The following TTN variants were observed in gnomAD, a reference collection of about 807,000 sequenced individuals.
The protein encoded by TTN is connectin.
In TTN, 1,525 loss-of-function variants were observed where a neutral mutation model predicts 3,223.0. That is an observed-to-expected ratio of 0.47 (90% confidence interval 0.45 to 0.49). The LOEUF (loss-of-function observed/expected upper bound fraction) is 0.49, where lower values mean the gene tolerates loss of function less well. Among genes scored for constraint, TTN ranks in the 20% least tolerant of loss-of-function variants. The probability of loss-of-function intolerance (pLI) is 0.00; values close to 1 mark genes in which losing one functional copy is unlikely to be tolerated. For missense variants in TTN, 40,786 were observed against 43,424.0 expected (o/e 0.94, Z 5.40); for synonymous variants, 14,094 against 15,161.0 (o/e 0.93, Z 5.17).
Position 178,735,754 on chromosome 2 carries a change from G to A in TTN, c.14692C>T (p.Gln4898Ter). Residue 4898 changes from glutamine (Q) to a stop codon, truncating the protein, a stop_gained, in exon 50 of 363, where the codon CAG becomes TAG. Coordinates refer to ENST00000589042, the MANE Select transcript of TTN (RefSeq NM_001267550.2). LOFTEE classifies it high-confidence loss of function. ...TGGACCTTCTTATTGATAGCGGACTGCACAGGCTCTAATTCTTTAATGAAA... is the reference window on the plus strand; with the variant it reads ...TGGACCTTCTTATTGATAGCGGACTACACAGGCTCTAATTCTTTAATGAAA... Reference protein sequence around the residue: ...PHFIKELEPVQSAINKKVHLE... With the variant: ...PHFIKELEPV 1 of 1,613,742 alleles carries A rather than the reference G, an allele frequency of 6.2e-7. No individual in the cohort carries two copies. Among genetic ancestry groups the A allele is most frequent in the Non-Finnish European group, 8.5e-7 (1 of 1,179,794 alleles).
rs1578118075 is a variant in TTN, at chr2:178,728,251, C to T, written c.19573G>A (p.Ala6525Thr). 1 of 1,613,244 alleles carries T rather than the reference C, an allele frequency of 6.2e-7. No homozygotes were observed. The highest frequency in any genetic ancestry group is 2.2e-5 in the East Asian group (1 of 44,812). The change falls in exon 67 of 363, where the codon GCA (alanine) becomes ACA (threonine). Residue 6525 changes from alanine (A) to threonine (T), a missense_variant. Coordinates refer to ENST00000589042, the MANE Select transcript of TTN (RefSeq NM_001267550.2). ...FKDGKEISTS[A>T]KYRLVCHERS... is the part of the protein sequence containing the mutation. The stretch of plus-strand genomic sequence containing the variant: ...TCATGGCACACAAGTCTGTATTTTG[C>T]ACTTGTAGATATTTCTTTTCCATCC...
Position 178,587,501 on chromosome 2 carries a change from A to C in TTN, c.63793+15T>G. The C allele has an allele frequency of 6.2e-7, 1 of 1,605,490 alleles. No homozygotes were observed. Among genetic ancestry groups the C allele is most frequent in the African/African-American group, 1.3e-5 (1 of 74,488 alleles). On this transcript the variant is annotated intron_variant, in intron 306 of 362. Coordinates refer to ENST00000589042, the MANE Select transcript of TTN (RefSeq NM_001267550.2). Reference sequence around the variant, plus strand: ...CATTTTTGAAGTGGGAGGGAGAAGCATTTTAGTAACCCACCTAATACTCTG... The same window carrying C: ...CATTTTTGAAGTGGGAGGGAGAAGCCTTTTAGTAACCCACCTAATACTCTG...
Position 178,741,225 on chromosome 2 carries a change from C to T in TTN, c.12008G>A (p.Arg4003Lys). ...SGTFIVNDPQREDSGLYICKA... is the reference protein window; with the variant it reads ...SGTFIVNDPQKEDSGLYICKA... ...ACAGATATAGAGGCCACTGTCTTCCCTCTGAGGGTCATTGACAATGAAAGT... is the reference window on the plus strand; with the variant it reads ...ACAGATATAGAGGCCACTGTCTTCCTTCTGAGGGTCATTGACAATGAAAGT... The change falls in exon 48 of 363, where the codon AGG (arginine) becomes AAG (lysine). Residue 4003 changes from arginine to lysine, a missense_variant. By Grantham distance (26) the Arg-to-Lys change is conservative. Coordinates refer to ENST00000589042, the MANE Select transcript of TTN (RefSeq NM_001267550.2). 1 of 1,613,508 alleles carries T rather than the reference C, an allele frequency of 6.2e-7. No homozygotes were observed. Among genetic ancestry groups the T allele is most frequent in the Non-Finnish European group, 8.5e-7 (1 of 1,179,812 alleles).
In TTN at chr2:178,717,926, T is replaced by A. The variant is rs1483532288; in HGVS notation, c.25063+17A>T. 6.2e-7 allele frequency: 1 copy of A among 1,606,608 alleles called. No individual in the cohort carries two copies. Among genetic ancestry groups the A allele is most frequent in the East Asian group, 2.2e-5 (1 of 44,760 alleles). Reference sequence around the variant, plus strand: ...AATGAATCTGTTCACACACACTAGGTTAAACAACACCATCACCTTTGATAA... The same window carrying A: ...AATGAATCTGTTCACACACACTAGGATAAACAACACCATCACCTTTGATAA... On this transcript the variant is annotated intron_variant, in intron 86 of 362. Transcript: ENST00000589042.
At chr2:178,793,351 G>A (rs1053529643) in intron 9 of TTN, 53 bp downstream of exon 9, 1 of 1,603,982 alleles carries the variant, frequency 6.2e-7, no homozygotes, top group Middle Eastern at 1.7e-4. Flanking sequence ...GTGATTATCT[G>A]TGTTGACCCC....
At chr2:178,617,270 A>G in intron 254 of TTN, 36 bp from the exon 255 acceptor site, 1 of 1,541,264 alleles carries the variant, frequency 6.5e-7, no homozygotes, top group Non-Finnish European at 8.7e-7. Flanking sequence ...AAAAACACAT[A>G]CAGTTATGTC....
Position 178,695,952 on chromosome 2 carries a change from C to T in TTN, c.31120G>A (p.Glu10374Lys), listed in dbSNP as rs760492093. Residue 10374 changes from glutamate (E) to lysine (K), a missense_variant, in exon 114 of 363, where the codon GAA (glutamate) becomes AAA (lysine). Transcript: ENST00000589042. ...FEEGQEYYER[E>K]EGYDEGEEEW... The stretch of plus-strand genomic sequence containing the variant: ...TCCTCCCCTTCGTCATAGCCTTCTT[C>T]CCTTTCATAGTATTCTTGCCCTTCT... The T allele has an allele frequency of 3.9e-6, 6 of 1,529,360 alleles. No homozygotes were observed. In the South Asian group the frequency reaches 7.6e-5, roughly 19 times the overall value. 94.7% of individuals were successfully genotyped at this position (1,529,360 alleles called of 1,614,324 possible).
At chr2:178,781,325 A>C (rs1574741982) in intron 20 of TTN, 62 bp from the exon 21 acceptor site, 1 of 1,588,576 alleles carries the variant, frequency 6.3e-7, no homozygotes, top group African/African-American at 1.3e-5. Flanking sequence ...GGGTAAAATA[A>C]TTGGACTTAT....
chr2:178,689,137 C>G lies in TTN; in HGVS notation c.32012-1G>C. On this transcript the variant is annotated splice_acceptor_variant, in intron 124 of 362. Coordinates refer to ENST00000589042, the MANE Select transcript of TTN (RefSeq NM_001267550.2). LOFTEE classifies it high-confidence loss of function. The stretch of plus-strand genomic sequence containing the variant: ...ACGGGTTTCTTAGGCAGAGCTGGCA[C>G]TTTAGAGACATTATGCACTTTTAGA... 6.3e-7 allele frequency: 1 copy of G among 1,598,410 alleles called. No individual in the cohort carries two copies. Among genetic ancestry groups the G allele is most frequent in the South Asian group, 1.1e-5 (1 of 87,626 alleles).
chr2:178,566,440 A>G lies in TTN; in HGVS notation c.79692T>C (p.Cys26564=). Residue 26564 remains cysteine, a synonymous_variant, in exon 326 of 363, where the codon TGT becomes TGC. Transcript: ENST00000589042. ...CACCTAAACCAACTTTGTTGAGGGCACAGACTCGTATTTTATACTCTTGGT... is the reference window on the plus strand; with the variant it reads ...CACCTAAACCAACTTTGTTGAGGGCGCAGACTCGTATTTTATACTCTTGGT... ...TEHQEYKIRV[C]ALNKVGLGEA... The G allele has an allele frequency of 1.9e-6, 3 of 1,613,472 alleles. No individual in the cohort carries two copies. Among genetic ancestry groups the G allele is most frequent in the Non-Finnish European group, 2.5e-6 (3 of 1,179,688 alleles).
chr2:178,745,131 A>T, intron 47 of TTN: 6 of 990,994 alleles, frequency 6.1e-6, no homozygotes, highest in Non-Finnish European at 7.2e-6. Context: ...AAAGGGGTTA[A>T]AATTCCAAAA....
rs773550460 is a variant in TTN, at chr2:178,733,719, C to A, written c.15670G>T (p.Val5224Phe). ...ATCTGAACATCAGGGATTATCAAGA[C>A]TGCAACACCATTGGAAAAGCTCATT... ...IKMSFSNGVA[V>F]LIIPDVQISF... is the part of the protein sequence containing the mutation. The change falls in exon 53 of 363, where the codon GTC (valine) becomes TTC (phenylalanine). Residue 5224 changes from valine (V) to phenylalanine (F), a missense_variant. Coordinates refer to ENST00000589042, the MANE Select transcript of TTN (RefSeq NM_001267550.2). 19 of 1,613,746 alleles carry A rather than the reference C, an allele frequency of 1.2e-5. No individual in the cohort carries two copies.
chr2:178,764,179 G>C lies in TTN; in HGVS notation c.10112C>G (p.Thr3371Arg), dbSNP rs1060500429. 1 of 1,613,946 alleles carries C rather than the reference G, an allele frequency of 6.2e-7. No homozygotes were observed. The highest frequency in any genetic ancestry group is 8.5e-7 in the Non-Finnish European group (1 of 1,179,952). ...ACACCTTTTGTTCTTAAACCTACCTGTTCCAGAAACCCGGCATTGAAAACG... is the reference window on the plus strand; with the variant it reads ...ACACCTTTTGTTCTTAAACCTACCTCTTCCAGAAACCCGGCATTGAAAACG... Reference protein sequence around the residue: ...PARFQCRVSGTDLKVSWYSKD... With the variant: ...PARFQCRVSGRDLKVSWYSKD... The change falls in exon 43 of 363, where the codon ACA becomes AGA. Residue 3371 changes from threonine (T) to arginine (R), a missense_variant and splice_region_variant. Coordinates refer to ENST00000589042, the MANE Select transcript of TTN (RefSeq NM_001267550.2).
In TTN at chr2:178,684,430, A is replaced by T; in HGVS notation, c.32639-17T>A. ...TCTCAGTCACTTAAAAGATAATTTTAGGATTAGGGAGTTATATCAAAGTGG... is the reference window on the plus strand; with the variant it reads ...TCTCAGTCACTTAAAAGATAATTTTTGGATTAGGGAGTTATATCAAAGTGG... On this transcript the variant is annotated splice_polypyrimidine_tract_variant and intron_variant, in intron 131 of 362. Coordinates refer to ENST00000589042, the MANE Select transcript of TTN (RefSeq NM_001267550.2). The T allele has an allele frequency of 6.2e-7, 1 of 1,610,216 alleles. No individual in the cohort carries two copies.
At position 178,563,942 on chromosome 2, in the gene TTN, T is replaced by G; in HGVS notation, c.82190A>C (p.Asp27397Ala). The change falls in exon 326 of 363, where the codon GAT (aspartate) becomes GCT (alanine). Residue 27397 changes from aspartate to alanine, a missense_variant. Asp to Ala is a moderately radical substitution (Grantham distance 126, BLOSUM62 -2). Coordinates refer to ENST00000589042, the MANE Select transcript of TTN (RefSeq NM_001267550.2). This position sits in a 1 kb window ranked among gnomAD's most constrained non-coding sequence, Gnocchi z 4.5. Reference protein sequence around the residue: ...CYLAWNPPLQDGGANISHYII... With the variant: ...CYLAWNPPLQAGGANISHYII... ...GTAATGTGAAATATTAGCACCACCA[T>G]CTTGCAAAGGTGGGTTCCATGCCAG... 1 of 1,613,728 alleles carries G rather than the reference T, an allele frequency of 6.2e-7. No individual in the cohort carries two copies. The highest frequency in any genetic ancestry group is 8.5e-7 in the Non-Finnish European group (1 of 1,179,726).
In TTN at chr2:178,576,416, T is replaced by G. The variant is rs1364214379; in HGVS notation, c.69716A>C (p.Tyr23239Ser). The change falls in exon 326 of 363, where the codon TAT becomes TCT. Residue 23239 changes from tyrosine (Y) to serine (S), a missense_variant and splice_region_variant. Physicochemically the swap from Tyr to Ser is moderately radical, Grantham distance 144 (BLOSUM62 -2). Coordinates refer to ENST00000589042, the MANE Select transcript of TTN (RefSeq NM_001267550.2). The surrounding 1 kb of genome is among the most constrained non-coding windows in gnomAD (Gnocchi z 4.3). ...CGGATTTGAAGGTGGTCCTGGAGGA[T>G]CTGAGAAAGAAACAAAGACACAAAA... The part of the protein sequence containing the change: ...SDSVLMKDAA[Y>S]PPGPPSNPHV... 1 of 1,575,274 alleles carries G rather than the reference T, an allele frequency of 6.3e-7. No homozygotes were observed. Among genetic ancestry groups the G allele is most frequent in the Non-Finnish European group, 8.6e-7 (1 of 1,168,070 alleles).
chr2:178,594,055 C>T lies in TTN; in HGVS notation c.58338G>A (p.Lys19446=). ...CGGAATCTGAACGTTTGGCCTTGAT[C>T]TTCTCTAAAGCAAGTGTTGCTGGTG... The part of the protein sequence containing the change: ...KTTPATLALE[K]IKAKRSDSGK... The change falls in exon 297 of 363, where the codon AAG becomes AAA. Residue 19446 remains lysine, a synonymous_variant. Coordinates refer to ENST00000589042, the MANE Select transcript of TTN (RefSeq NM_001267550.2). 1.9e-6 allele frequency: 3 copies of T among 1,613,528 alleles called. No homozygotes were observed. Among genetic ancestry groups the T allele is most frequent in the South Asian group, 1.1e-5 (1 of 91,062 alleles).
intron 45 of TTN, among the ~76,000 whole-genome samples, chr2:178,757,227 A>ATACTGTACTTGCTTTGAGTACAGTAAG (rs1553968975): frequency 6.7e-6 from 1 of 150,194 alleles, no homozygotes; most frequent in Admixed American, 6.6e-5. Flanking sequence ...ACAGTAAGTA[A>ATACTGTACTTGCTTTGAGTACAGTAAG]TAATCAGCAA....
chr2:178,800,298 C>T lies in TTN; in HGVS notation c.583+97G>A. ...TTTTATATCAGCTCACAGCATTCTT[C>T]CCAGGGCTGTGAGAGGTGGCAAGTG... On this transcript the variant is annotated intron_variant, in intron 4 of 362. Coordinates refer to ENST00000589042, the MANE Select transcript of TTN (RefSeq NM_001267550.2). 3 of 1,499,984 alleles carry T rather than the reference C, an allele frequency of 2.0e-6. No homozygotes were observed. The South Asian group carries it at 3.6e-5, about 18-fold the overall frequency. 92.9% of individuals were successfully genotyped at this position (1,499,984 alleles called of 1,614,324 possible). A position where few individuals can be genotyped will look rare whatever the true frequency, so the allele number is the denominator to read the frequency against.
Sources: gnomAD v4.1 joint callset for allele counts (sites outside exome capture counted in the v4.1 genomes callset) on GRCh38, gnomAD v4.1.1 for gene constraint, Gnocchi (gnomAD v3.1) non-coding constraint, MANE v1.5 for transcripts, NCBI Gene and HGNC (gene_info 2026-07-23, HGNC 2026-07-21) for gene names.